CASK: variants seen among roughly 807,000 people sequenced by gnomAD.
The protein encoded by CASK is peripheral plasma membrane protein CASK.
In CASK, 4 loss-of-function variants were observed where a neutral mutation model predicts 82.9. That is an observed-to-expected ratio of 0.05 (90% CI 0.02 to 0.11). CASK has a LOEUF of 0.11. CASK is among the 10% of genes least tolerant of loss of function. The pLI is 1.00. For synonymous variants in CASK, 259 were observed against 253.5 expected, an observed-to-expected ratio of 1.02 and a Z score of -0.20; for missense variants, 358 against 720.9, an observed-to-expected ratio of 0.50 and a Z score of 5.76.
chrX:41,717,531 G>T (rs1376696163), intron 5 of CASK, among the ~76,000 whole-genome samples: 5 of 111,859 alleles, frequency 4.5e-5, no homozygotes, highest in Non-Finnish European at 7.5e-5. Flanking sequence ...TGAAATGAAA[G>T]AAACCCAGTA....
At chrX:41,523,749 G>C (rs1452678737) in intron 26 of CASK, among the ~76,000 whole-genome samples, 1 of 112,080 alleles carries the variant, frequency 8.9e-6, no homozygotes, top group East Asian at 2.8e-4. Flanking sequence ...GGGATGCCTC[G>C]GTCCTGGTGG....
intron 8 of CASK, among the ~76,000 whole-genome samples, chrX:41,659,515 C>T (rs1376785305): frequency 9.0e-6 from 1 of 110,650 alleles, no homozygotes; most frequent in East Asian, 2.8e-4. Context: ...CATGAGCCAC[C>T]GCACCCGGCC....
chrX:41,591,483 T>C (rs1220210506), intron 12 of CASK, among the ~76,000 whole-genome samples: 1 of 95,941 alleles, frequency 1.0e-5, no homozygotes, highest in African/African-American at 4.1e-5. Context: ...GTGCACTTTG[T>C]TTTTTTTTTG....
chrX:41,770,053 C>G (rs1339602246), intron 3 of CASK, among the ~76,000 whole-genome samples: 1 of 111,032 alleles, frequency 9.0e-6, no homozygotes, highest in Non-Finnish European at 1.9e-5. Context: ...GAATAAGGTA[C>G]ATGAAGGGAT....
At chrX:41,911,921 G>A (rs1484468420) in intron 1 of CASK, among the ~76,000 whole-genome samples, 4 of 110,581 alleles carry the variant, frequency 3.6e-5, no homozygotes, top group African/African-American at 1.3e-4. Flanking sequence ...TGGGATACAT[G>A]TGCAGAACGT....
intron 8 of CASK, chrX:41,660,090 C>A: frequency 3.5e-6 from 1 of 286,897 alleles, no homozygotes; most frequent in Non-Finnish European, 6.1e-6. Flanking sequence ...AGCACACAGT[C>A]ACACCCAAAA....
chrX:41,631,701 C>T (rs1292024310), intron 9 of CASK, among the ~76,000 whole-genome samples: 1 of 110,068 alleles, frequency 9.1e-6, no homozygotes, highest in Non-Finnish European at 1.9e-5. Flanking sequence ...GAACTCCTGA[C>T]CTCAGGTGAT....
intron 5 of CASK, among the ~76,000 whole-genome samples, chrX:41,711,971 G>A (rs748112176): frequency 1.6e-4 from 18 of 112,761 alleles, no homozygotes; most frequent in Non-Finnish European, 2.8e-4. Context: ...ACAGGAGCTT[G>A]GGAACTGCTG....
At chrX:41,824,890 T>C (rs927140865) in intron 2 of CASK, among the ~76,000 whole-genome samples, 1 of 111,902 alleles carries the variant, frequency 8.9e-6, no homozygotes, top group Non-Finnish European at 1.9e-5. Context: ...TCCTTATGCC[T>C]GTATTTTTCA....
At chrX:41,696,776 T>C (rs1286348252) in intron 5 of CASK, 1 of 1,130,266 alleles carries the variant, frequency 8.8e-7, no homozygotes, top group Admixed American at 2.5e-5. Flanking sequence ...CTAAAAGTAC[T>C]TGAGGTAAAC....
At chrX:41,645,359 G>A (rs1272118910) in intron 8 of CASK, among the ~76,000 whole-genome samples, 1 of 111,552 alleles carries the variant, frequency 9.0e-6, no homozygotes, top group Non-Finnish European at 1.9e-5. Context: ...AGGCAAGCCA[G>A]TGTTATGGAA....
intron 11 of CASK, among the ~76,000 whole-genome samples, chrX:41,620,945 A>T (rs968269276): frequency 1.8e-5 from 2 of 111,914 alleles, no homozygotes; most frequent in African/African-American, 3.2e-5. Context: ...TGCCATTATG[A>T]TTATTAAAAT....
chrX:41,921,229 C>T (rs755685233), intron 1 of CASK, among the ~76,000 whole-genome samples: 8 of 111,879 alleles, frequency 7.2e-5, no homozygotes, highest in African/African-American at 1.6e-4. Context: ...CTTTTGCAAA[C>T]GCAAATTTTA....
intron 5 of CASK, chrX:41,676,423 G>A (rs1382797856): frequency 8.4e-7 from 1 of 1,196,451 alleles, no homozygotes; most frequent in African/African-American, 1.7e-5. Flanking sequence ...ACTTCATGCA[G>A]GCTGCCATGT....
At chrX:41,578,550 A>C in intron 14 of CASK, 22 bp from the exon 15 acceptor site, 2 of 1,049,262 alleles carry the variant, frequency 1.9e-6, no homozygotes, top group Non-Finnish European at 1.3e-6. Flanking sequence ...TGAAGAAAAA[A>C]ATTATTAATA....
chrX:41,725,119 A>G (rs2068236531), intron 5 of CASK, among the ~76,000 whole-genome samples: 1 of 112,062 alleles, frequency 8.9e-6, no homozygotes, highest in South Asian at 3.7e-4. Context: ...ACAATGAAGC[A>G]TATGGACTGT....
At chrX:41,594,325 G>A (rs1021492046) in intron 12 of CASK, among the ~76,000 whole-genome samples, 7 of 112,024 alleles carry the variant, frequency 6.2e-5, no homozygotes, top group East Asian at 2.8e-4. Flanking sequence ...CTTCTTGTTC[G>A]GGAGGAAAGG....
chrX:41,904,543 C>T (rs2072437103), intron 1 of CASK, among the ~76,000 whole-genome samples: 1 of 111,964 alleles, frequency 8.9e-6, no homozygotes, highest in African/African-American at 3.2e-5. Flanking sequence ...AGAGATATAC[C>T]TTGTTCATAC....
chrX:41,892,789 G>A (rs2072198246), intron 1 of CASK, among the ~76,000 whole-genome samples: 1 of 111,791 alleles, frequency 8.9e-6, no homozygotes, highest in Non-Finnish European at 1.9e-5. Flanking sequence ...TTGGCAGTAC[G>A]ATCCACCTCA....
Sources: allele counts gnomAD v4.1 joint callset (sites outside exome capture counted in the v4.1 genomes callset), GRCh38; gene constraint gnomAD v4.1.1; transcripts MANE v1.5; gene names NCBI Gene and HGNC (gene_info 2026-07-23, HGNC 2026-07-21).